STPG2: variants seen among roughly 807,000 people sequenced by gnomAD.
STPG2 encodes the protein sperm tail PG-rich repeat containing 2.
In STPG2, 56 loss-of-function variants were observed where a neutral mutation model predicts 54.2. The ratio of observed to expected loss-of-function variants is 1.03; its 90% CI spans 0.83 to 1.29. STPG2 has a LOEUF of 1.29. Ranked by LOEUF, STPG2 falls within the 50% of genes most tolerant of loss-of-function variation. The pLI, the probability that STPG2 is intolerant of heterozygous loss-of-function variation, is 0.00. For missense variants in STPG2, 596 were observed against 544.9 expected (o/e 1.09, Z -0.93); for synonymous variants, 200 against 181.8 (o/e 1.10, Z -0.81).
chr4:97,741,780 T>G (rs962790238), intron 9 of STPG2, among the ~76,000 whole-genome samples: 23 of 152,060 alleles, frequency 1.5e-4, no homozygotes, highest in Non-Finnish European at 2.9e-4. Context: ...TGTAAACTAG[T>G]TCAACCATTG....
chr4:98,091,639 C>T (rs1738688443), intron 5 of STPG2, among the ~76,000 whole-genome samples: 1 of 152,044 alleles, frequency 6.6e-6, no homozygotes, highest in Non-Finnish European at 1.5e-5. Flanking sequence ...ATTCAAGAAG[C>T]TTTGCCCTAT....
intron 2 of STPG2, among the ~76,000 whole-genome samples, chr4:98,132,782 A>G (rs1740034733): frequency 6.6e-6 from 1 of 152,010 alleles, no homozygotes; most frequent in South Asian, 2.1e-4. Context: ...TAGCAATTAT[A>G]GTTGTCAGTT....
chr4:97,487,194 C>G (rs1730388486), intron 4 of STPG2, among the ~76,000 whole-genome samples: 2 of 149,576 alleles, frequency 1.3e-5, no homozygotes, highest in African/African-American at 4.9e-5. Context: ...CCCCAATAAC[C>G]TATGGAAAAA....
At chr4:97,716,902 C>A (rs1312735657) in intron 9 of STPG2, among the ~76,000 whole-genome samples, 1 of 151,882 alleles carries the variant, frequency 6.6e-6, no homozygotes, top group Non-Finnish European at 1.5e-5. Flanking sequence ...GGTTAAAAAT[C>A]AGTTAGGAAA....
intron 8 of STPG2, among the ~76,000 whole-genome samples, chr4:97,878,871 C>T (rs1730271144): frequency 6.6e-6 from 1 of 152,160 alleles, no homozygotes; most frequent in African/African-American, 2.4e-5. Flanking sequence ...TGCAAATTTT[C>T]TAAGCTTTTA....
At chr4:97,758,559 G>A (rs550144631) in intron 9 of STPG2, among the ~76,000 whole-genome samples, 2 of 152,196 alleles carry the variant, frequency 1.3e-5, no homozygotes, top group East Asian at 1.9e-4. Flanking sequence ...ACTCATAAGT[G>A]GGAGCTGAAC....
chr4:97,520,082 C>T (rs951883104), intron 4 of STPG2, among the ~76,000 whole-genome samples: 7 of 151,782 alleles, frequency 4.6e-5, no homozygotes, highest in African/African-American at 1.7e-4. Flanking sequence ...GGGGAAAAAC[C>T]ATAAGAAGAG....
intron 5 of STPG2, among the ~76,000 whole-genome samples, chr4:98,002,872 T>G (rs1293251469): frequency 6.6e-6 from 1 of 152,088 alleles, no homozygotes; most frequent in Non-Finnish European, 1.5e-5. Flanking sequence ...TTTTAAAAAA[T>G]GTTTCTTAAT....
chr4:97,533,015 T>C (rs1262408172), intron 4 of STPG2, among the ~76,000 whole-genome samples: 1 of 152,144 alleles, frequency 6.6e-6, no homozygotes, highest in Non-Finnish European at 1.5e-5. Context: ...CCCAAGCAGC[T>C]GGAACTACAG....
At chr4:97,551,182 T>C (rs1404707110) in intron 4 of STPG2, among the ~76,000 whole-genome samples, 3 of 152,104 alleles carry the variant, frequency 2.0e-5, no homozygotes, top group Non-Finnish European at 2.9e-5. Flanking sequence ...GAGCACTGAT[T>C]GGTGCATTTA....
chr4:98,073,584 G>C (rs1396338373), intron 5 of STPG2, among the ~76,000 whole-genome samples: 2 of 151,990 alleles, frequency 1.3e-5, no homozygotes, highest in Non-Finnish European at 2.9e-5. Flanking sequence ...AAAATTAGTT[G>C]GGCGTGGTGG....
At chr4:98,075,482 C>T (rs1248969542) in intron 5 of STPG2, among the ~76,000 whole-genome samples, 1 of 152,114 alleles carries the variant, frequency 6.6e-6, no homozygotes, top group African/African-American at 2.4e-5. Flanking sequence ...TAAAAAGATG[C>T]CTTGATAGAA....
At chr4:97,822,952 C>T (rs1322893966) in intron 9 of STPG2, among the ~76,000 whole-genome samples, 2 of 152,172 alleles carry the variant, frequency 1.3e-5, no homozygotes, top group African/African-American at 4.8e-5. Flanking sequence ...GAGAAAGACC[C>T]TAATTATCTT....
At chr4:98,076,047 A>T (rs530498241) in intron 5 of STPG2, among the ~76,000 whole-genome samples, 1 of 152,306 alleles carries the variant, frequency 6.6e-6, no homozygotes, top group African/African-American at 2.4e-5. Context: ...GATTGAGACC[A>T]TCCTGGCTAA....
chr4:97,936,952 G>T (rs1732765660), intron 8 of STPG2, among the ~76,000 whole-genome samples: 1 of 152,086 alleles, frequency 6.6e-6, no homozygotes, highest in Admixed American at 6.5e-5. Flanking sequence ...ATTTCTCCTG[G>T]ATGATATCCT....
chr4:97,530,776 G>T (rs1274717263), intron 4 of STPG2, among the ~76,000 whole-genome samples: 1 of 151,956 alleles, frequency 6.6e-6, no homozygotes. Flanking sequence ...ATTGTCAATG[G>T]CACCCCTCCC....
At chr4:97,634,018 T>C (rs1394341753) in intron 10 of STPG2, among the ~76,000 whole-genome samples, 1 of 152,126 alleles carries the variant, frequency 6.6e-6, no homozygotes, top group Non-Finnish European at 1.5e-5. Flanking sequence ...CGTGCCTCTC[T>C]AGGCTCCACC....
At chr4:97,685,231 T>A (rs796892771) in intron 10 of STPG2, among the ~76,000 whole-genome samples, 1 of 152,044 alleles carries the variant, frequency 6.6e-6, no homozygotes, top group Non-Finnish European at 1.5e-5. Flanking sequence ...CCCAAATAAG[T>A]TGAAAATTTA....
intron 6 of STPG2, among the ~76,000 whole-genome samples, chr4:97,975,523 A>G (rs922411374): frequency 6.6e-6 from 1 of 152,182 alleles, no homozygotes; most frequent in Non-Finnish European, 1.5e-5. Context: ...TTTCATTTAA[A>G]ATAATACAAC....
Sources: gnomAD v4.1 joint callset for allele counts (sites outside exome capture counted in the v4.1 genomes callset) on GRCh38, gnomAD v4.1.1 for gene constraint, MANE v1.5 for transcripts, NCBI Gene and HGNC (gene_info 2026-07-23, HGNC 2026-07-21) for gene names.